LCA5: variants seen among roughly 807,000 people sequenced by gnomAD.
LCA5 encodes lebercilin.
LCA5 carries 37 observed loss-of-function variants against 53.0 expected under a neutral mutation model. The observed-to-expected ratio is 0.70, with a 90% CI of 0.54 to 0.92. LCA5 has a LOEUF of 0.92. Ranked by LOEUF, LCA5 falls within the 40% of genes least tolerant of loss-of-function variation. The pLI, the probability that LCA5 is intolerant of heterozygous loss-of-function variation, is 0.00. For missense variants in LCA5, 806 were observed against 790.5 expected, an observed-to-expected ratio of 1.02 and a Z score of -0.23; for synonymous variants, 303 against 282.9, an observed-to-expected ratio of 1.07 and a Z score of -0.71.
At chr6:79,489,840 A>G (rs1018138521) in intron 6 of LCA5, among the ~76,000 whole-genome samples, 1 of 152,082 alleles carries the variant, frequency 6.6e-6, no homozygotes, top group African/African-American at 2.4e-5. Context: ...GAGTTTTAGC[A>G]GGACAGAGAG....
chr6:79,534,842 A>G (rs1164231483), intron 1 of LCA5, among the ~76,000 whole-genome samples: 1 of 152,188 alleles, frequency 6.6e-6, no homozygotes, highest in Non-Finnish European at 1.5e-5. Flanking sequence ...AAGGCATTAG[A>G]TAAGCATGGC....
At chr6:79,508,646 C>T (rs1273025663) in intron 3 of LCA5, among the ~76,000 whole-genome samples, 1 of 151,782 alleles carries the variant, frequency 6.6e-6, no homozygotes, top group Non-Finnish European at 1.5e-5. Context: ...AAAAACACCA[C>T]CACATAGACA....
chr6:79,493,687 T>TC lies in LCA5; in HGVS notation c.783dup (p.Lys262GlufsTer5). 1 of 1,613,814 alleles carries TC rather than the reference T, an allele frequency of 6.2e-7. No individual in the cohort carries two copies. Among genetic ancestry groups the TC allele is most frequent in the Non-Finnish European group, 8.5e-7 (1 of 1,179,790 alleles). On this transcript the variant is annotated frameshift_variant, in exon 4 of 8. Coordinates refer to ENST00000369846, the MANE Select transcript of LCA5 (RefSeq NM_001122769.3). LOFTEE classifies it high-confidence loss of function. The stretch of plus-strand genomic sequence containing the variant: ...TCATCATGAGCCTCATATGCCCTTT[T>TC]CCTTTCAGCAAGCAACTGTCGTTGG...
intron 1 of LCA5, among the ~76,000 whole-genome samples, chr6:79,534,060 AGTTACACT>A (rs1314169036): frequency 3.4e-5 from 5 of 147,404 alleles, no homozygotes; most frequent in Non-Finnish European, 6.0e-5. Flanking sequence ...GAAGAGGAGC[AGTTACACT>A]GTAACTGCTC....
intron 3 of LCA5, among the ~76,000 whole-genome samples, chr6:79,503,552 T>C (rs1770198045): frequency 6.6e-6 from 1 of 152,222 alleles, no homozygotes; most frequent in South Asian, 2.1e-4. Flanking sequence ...AATGCTACCA[T>C]GCTTTAATGT....
intron 3 of LCA5, among the ~76,000 whole-genome samples, chr6:79,512,756 C>T (rs1766271530): frequency 2.0e-5 from 3 of 152,072 alleles, no homozygotes; most frequent in Non-Finnish European, 4.4e-5. Flanking sequence ...CAACAGTCTC[C>T]CACCCATCCT....
upstream of LCA5, among the ~76,000 whole-genome samples, chr6:79,537,841 T>C (rs1300855365): frequency 6.6e-6 from 1 of 152,130 alleles, no homozygotes; most frequent in Non-Finnish European, 1.5e-5. Context: ...CTGCTAGTGC[T>C]TCTGGATCTT....
At chr6:79,518,663 T>C (rs1766518029) in intron 2 of LCA5, 42 bp downstream of exon 2, 10 of 1,570,684 alleles carry the variant, frequency 6.4e-6, no homozygotes, top group Non-Finnish European at 8.8e-6. Flanking sequence ...GCACTCAAAA[T>C]GAGTCTTCTA....
At position 79,493,719 on chromosome 6, in the gene LCA5, T is replaced by C. The variant is rs1769904231; in HGVS notation, c.752A>G (p.Asn251Ser). ...ELSKNLELST[N>S]SFQRQLLAER... ...AGCAAGCAACTGTCGTTGGAAACTG[T>C]TAGTACTCAGTTCAAGGTTTTTCGA... is the stretch of plus-strand genomic sequence containing the variant. Residue 251 changes from asparagine to serine, a missense_variant, in exon 4 of 8, where the codon AAC (asparagine) becomes AGC (serine). Physicochemically the swap from Asn to Ser is conservative, Grantham distance 46. Transcript: ENST00000369846. 6.2e-7 allele frequency: 1 copy of C among 1,613,474 alleles called. No homozygotes were observed. Among genetic ancestry groups the C allele is most frequent in the Non-Finnish European group, 8.5e-7 (1 of 1,179,620 alleles).
In LCA5 at chr6:79,487,329, T is replaced by A; in HGVS notation, c.1769A>T (p.Asp590Val). The change falls in exon 8 of 8, where the codon GAT becomes GTT. Residue 590 changes from aspartate to valine, a missense_variant. By Grantham distance (152) the Asp-to-Val change is radical. Coordinates refer to ENST00000369846, the MANE Select transcript of LCA5 (RefSeq NM_001122769.3). ...QRNSMEKLSK[D>V]GVDLITRKEK... is the part of the protein sequence containing the mutation. ...TTTTCTTGTAATTAAATCTACACCA[T>A]CTTTACTAAGTTTTTCCATACTGTT... is the stretch of plus-strand genomic sequence containing the variant. 3 of 1,614,012 alleles carry A rather than the reference T, an allele frequency of 1.9e-6. No homozygotes were observed. The highest frequency in any genetic ancestry group is 2.5e-6 in the Non-Finnish European group (3 of 1,179,888).
Position 79,487,252 on chromosome 6 carries a change from T to G in LCA5, c.1846A>C (p.Thr616Pro). 6.2e-7 allele frequency: 1 copy of G among 1,614,110 alleles called. No individual in the cohort carries two copies. Among genetic ancestry groups the G allele is most frequent in the South Asian group, 1.1e-5 (1 of 91,084 alleles). Residue 616 changes from threonine (T) to proline (P), a missense_variant, in exon 8 of 8, where the codon ACC becomes CCC. Coordinates refer to ENST00000369846, the MANE Select transcript of LCA5 (RefSeq NM_001122769.3). ...EQLFGASGSS[T>P]ISSKSSDPNS... ...GGGTCACTGCTTTTGGAGGAAATGG[T>G]GCTGCTACCACTGGCACCAAATAAC... is the stretch of plus-strand genomic sequence containing the variant.
At chr6:79,519,878 T>C (rs1338364355) in intron 1 of LCA5, among the ~76,000 whole-genome samples, 1 of 152,162 alleles carries the variant, frequency 6.6e-6, no homozygotes, top group Middle Eastern at 3.4e-3. Flanking sequence ...TACATAAATA[T>C]ATCATCCTTT....
At chr6:79,532,811 G>C (rs1287541490) in intron 1 of LCA5, among the ~76,000 whole-genome samples, 2 of 152,000 alleles carry the variant, frequency 1.3e-5, no homozygotes, top group Non-Finnish European at 2.9e-5. Flanking sequence ...GTAAATATAA[G>C]ACCCGTGAGA....
chr6:79,523,403 C>T (rs1562111346), intron 1 of LCA5, among the ~76,000 whole-genome samples: 1 of 152,034 alleles, frequency 6.6e-6, no homozygotes, highest in Non-Finnish European at 1.5e-5. Context: ...AAATCTGGAG[C>T]GTTTACCTCT....
At chr6:79,537,614 G>A (rs962056021), upstream of LCA5, among the ~76,000 whole-genome samples, 1 of 152,216 alleles carries the variant, frequency 6.6e-6, no homozygotes, top group Non-Finnish European at 1.5e-5. Flanking sequence ...GGAAATTGGG[G>A]CAAAACGCGG....
chr6:79,538,454 T>A (rs1767223776), upstream of LCA5, among the ~76,000 whole-genome samples: 1 of 152,206 alleles, frequency 6.6e-6, no homozygotes, highest in Non-Finnish European at 1.5e-5. Context: ...CAAACAATAT[T>A]GTGATTAAAT....
chr6:79,498,276 C>T (rs1008518868), intron 3 of LCA5, among the ~76,000 whole-genome samples: 1 of 151,748 alleles, frequency 6.6e-6, no homozygotes, highest in African/African-American at 2.4e-5. Context: ...TAGCAACAGA[C>T]GAATCTGGGT....
Position 79,485,946 on chromosome 6 carries a change from A to T in LCA5, c.*1058T>A, listed in dbSNP as rs1388014996. 6.6e-6 allele frequency: 1 copy of T among 152,222 alleles called. No individual in the cohort carries two copies. The highest frequency in any genetic ancestry group is 1.5e-5 in the Non-Finnish European group (1 of 68,036). The allele number at this position is 152,222 out of a possible 1,614,324, so 9.4% of individuals were successfully genotyped here. A position where few individuals can be genotyped will look rare whatever the true frequency, so the allele number is the denominator to read the frequency against. On this transcript the variant is annotated 3_prime_UTR_variant, in exon 8 of 8. Coordinates refer to ENST00000369846, the MANE Select transcript of LCA5 (RefSeq NM_001122769.3). ...AGCCAAAAGACCAATGCATTTAAAC[A>T]GAAAACTATCCACTCTAGTCAACAA...
chr6:79,515,334 G>A (rs983466242), intron 2 of LCA5, among the ~76,000 whole-genome samples: 2 of 152,038 alleles, frequency 1.3e-5, no homozygotes, highest in African/African-American at 2.4e-5. Flanking sequence ...GTTTCTAAAT[G>A]CTTCCTCAGA....
Sources: gnomAD v4.1 joint callset for allele counts (sites outside exome capture counted in the v4.1 genomes callset) on GRCh38, gnomAD v4.1.1 for gene constraint, MANE v1.5 for transcripts, NCBI Gene and HGNC (gene_info 2026-07-23, HGNC 2026-07-21) for gene names.